The following RBFOX1 variants were observed in gnomAD, a reference collection of about 807,000 sequenced individuals.
RBFOX1 encodes the protein RNA binding fox-1 homolog 1, also known as RNA binding protein fox-1 homolog 1.
Under a neutral mutation model 57.7 loss-of-function variants are expected in RBFOX1, and 8 were observed. The observed-to-expected ratio is 0.14, with a 90% confidence interval of 0.08 to 0.25. The LOEUF (loss-of-function observed/expected upper bound fraction) is 0.25. RBFOX1 is among the 10% of genes least tolerant of loss of function. The pLI is 1.00. For missense variants in RBFOX1, 611 were observed against 548.5 expected (o/e 1.11, Z -1.14); for synonymous variants, 326 against 222.4 (o/e 1.47, Z -4.15).
intron 3 of RBFOX1, among the ~76,000 whole-genome samples, chr16:6,671,898 T>C (rs572987676): frequency 1.3e-5 from 2 of 152,356 alleles, no homozygotes; most frequent in South Asian, 2.1e-4. Flanking sequence ...ACACTGCCTT[T>C]TCACACGCCA....
intron 1 of RBFOX1, among the ~76,000 whole-genome samples, chr16:6,221,781 A>C (rs1055724652): frequency 1.3e-5 from 2 of 152,112 alleles, no homozygotes; most frequent in Non-Finnish European, 2.9e-5. Context: ...CATCTATAAA[A>C]ACCATCAGAT....
chr16:7,082,378 T>G (rs945064397), intron 4 of RBFOX1, among the ~76,000 whole-genome samples: 1 of 151,904 alleles, frequency 6.6e-6, no homozygotes, highest in Non-Finnish European at 1.5e-5. Context: ...GCCAGGAGTT[T>G]GAGACCAGCT....
In RBFOX1 at chr16:6,900,980, C is replaced by T. The variant is rs976867102; in HGVS notation, c.-15-151077C>T. On this transcript the variant is annotated intron_variant, in intron 3 of 15. Coordinates refer to ENST00000550418, the MANE Select transcript of RBFOX1 (RefSeq NM_018723.4). ...AATGCCATTTAAGATGTTCCCATAA[C>T]GTTCATTAGAACTAGAAAGACTTCC... Among the ~76,000 whole-genome samples the T allele has an allele frequency of 5.3e-5, 8 of 152,204 alleles. No individual in the cohort carries two copies. In the South Asian group the frequency reaches 8.3e-4, roughly 16 times the overall value.
chr16:6,328,064 A>G (rs1163546717), intron 2 of RBFOX1, among the ~76,000 whole-genome samples: 1 of 152,222 alleles, frequency 6.6e-6, no homozygotes, highest in East Asian at 1.9e-4. Context: ...CAATGAGTGG[A>G]CAAACAAACT....
At chr16:6,619,480 T>C (rs2098194107) in intron 2 of RBFOX1, among the ~76,000 whole-genome samples, 1 of 152,154 alleles carries the variant, frequency 6.6e-6, no homozygotes, top group South Asian at 2.1e-4. Context: ...CCATTCTTTT[T>C]TCTTCTCATT....
In RBFOX1 at chr16:6,044,309, A is replaced by G. The variant is rs142355707; in HGVS notation, c.-127+24317A>G. 5.1e-3 allele frequency among the ~76,000 whole-genome samples: 782 copies of G among 152,264 alleles called. 4 individuals are homozygous for G. Among genetic ancestry groups the G allele is most frequent in the Non-Finnish European group, 8.1e-3 (550 of 68,022 alleles). On this transcript the variant is annotated intron_variant, in intron 1 of 15. Coordinates refer to ENST00000550418, the MANE Select transcript of RBFOX1 (RefSeq NM_018723.4). ...TTCAGAAGCCAAGTGAAATTTCCAC[A>G]TGAAAGCAAAGCTTTGTGCGTTCTT...
intron 2 of RBFOX1, among the ~76,000 whole-genome samples, chr16:6,429,072 A>T (rs112952450): frequency 0.012 from 1,792 of 152,296 alleles, 39 homozygotes; most frequent in African/African-American, 0.041. Flanking sequence ...CCCACTGATT[A>T]GGCAGGCATC....
At chr16:7,333,989 A>G (rs1417833387) in intron 4 of RBFOX1, among the ~76,000 whole-genome samples, 1 of 152,172 alleles carries the variant, frequency 6.6e-6, no homozygotes, top group African/African-American at 2.4e-5. Flanking sequence ...AAAACAAAAT[A>G]TATTTAGGTA....
chr16:6,876,940 C>A (rs1303333099), intron 3 of RBFOX1, among the ~76,000 whole-genome samples: 3 of 152,066 alleles, frequency 2.0e-5, no homozygotes, highest in African/African-American at 4.8e-5. Context: ...TTTCAAGTTT[C>A]TCAGTATTTA....
intron 2 of RBFOX1, among the ~76,000 whole-genome samples, chr16:6,369,078 G>A (rs2152888012): frequency 6.6e-6 from 1 of 152,218 alleles, no homozygotes; most frequent in African/African-American, 2.4e-5. Context: ...AGGGATATAT[G>A]TATATATACA....
At chr16:6,884,468 G>T (rs1344085648) in intron 3 of RBFOX1, among the ~76,000 whole-genome samples, 4 of 152,148 alleles carry the variant, frequency 2.6e-5, no homozygotes, top group Admixed American at 1.3e-4. Context: ...CTTATTATTA[G>T]TGGCTACAAA....
rs906983422 is a variant in RBFOX1 at position 6,136,262 on chromosome 16, G to A, written c.-127+116270G>A. Among the ~76,000 whole-genome samples, 8 of 152,052 alleles carry A rather than the reference G, an allele frequency of 5.3e-5. No homozygotes were observed. The South Asian group carries it at 1.7e-3, about 31-fold the overall frequency. On this transcript the variant is annotated intron_variant, in intron 1 of 15. Transcript: ENST00000550418. ...AAGGTGTATGTCCTGCCCTCCTCCG[G>A]CAGGGCCACTACCATGCTGGCTCCC...
At chr16:6,809,424 G>C (rs2087840819) in intron 3 of RBFOX1, among the ~76,000 whole-genome samples, 1 of 152,038 alleles carries the variant, frequency 6.6e-6, no homozygotes, top group Non-Finnish European at 1.5e-5. Context: ...AATTTTTGTG[G>C]ATATACACAT....
intron 3 of RBFOX1, among the ~76,000 whole-genome samples, chr16:5,835,146 T>A (rs1358328500): frequency 6.6e-6 from 1 of 152,122 alleles, no homozygotes; most frequent in Non-Finnish European, 1.5e-5. Flanking sequence ...ATAATGGGGC[T>A]GTAGAATTGC....
intron 4 of RBFOX1, among the ~76,000 whole-genome samples, chr16:7,232,064 C>T (rs1254356614): frequency 6.6e-6 from 1 of 151,974 alleles, no homozygotes; most frequent in Non-Finnish European, 1.5e-5. Context: ...CTCGGTCTGT[C>T]ACCCAGGCTA....
chr16:6,020,755 G>T (rs1000661620), intron 1 of RBFOX1, among the ~76,000 whole-genome samples: 1 of 152,138 alleles, frequency 6.6e-6, no homozygotes, highest in Non-Finnish European at 1.5e-5. Context: ...AGCGAGGGCG[G>T]GGCTAGTGGG....
intron 1 of RBFOX1, chr16:6,037,828 C>G (rs1429702463): frequency 6.6e-6 from 1 of 152,198 alleles, no homozygotes. Context: ...CTCCTGAACT[C>G]AGACAATCTG....
intron 12 of RBFOX1, among the ~76,000 whole-genome samples, chr16:7,656,470 C>G (rs1278164581): frequency 6.6e-6 from 1 of 151,650 alleles, no homozygotes; most frequent in Non-Finnish European, 1.5e-5. Flanking sequence ...ATCTTGTGTT[C>G]AGGGAGAGCA....
intron 4 of RBFOX1, among the ~76,000 whole-genome samples, chr16:7,315,459 C>A (rs112715149): frequency 1.4e-5 from 2 of 147,580 alleles, no homozygotes; most frequent in South Asian, 2.1e-4. Flanking sequence ...CTACCCTACC[C>A]CCCCCCCCAT....
Sources: allele counts gnomAD v4.1 joint callset (sites outside exome capture counted in the v4.1 genomes callset), GRCh38; gene constraint gnomAD v4.1.1; transcripts MANE v1.5; gene names NCBI Gene and HGNC (gene_info 2026-07-23, HGNC 2026-07-21).